RBM27: variants seen among roughly 807,000 people sequenced by gnomAD.
The protein encoded by RBM27 is RNA binding motif protein 27.
In RBM27, 22 loss-of-function variants were observed where a neutral mutation model predicts 135.3. The observed-to-expected ratio is 0.16, with a 90% CI of 0.12 to 0.23. The LOEUF (loss-of-function observed/expected upper bound fraction) is 0.23, where lower values mean the gene tolerates loss of function less well. Among genes scored for constraint, RBM27 ranks in the 10% least tolerant of loss-of-function variants. The pLI is 1.00. For synonymous variants in RBM27, 481 were observed against 442.4 expected (o/e 1.09, Z -1.10); for missense variants, 1,009 against 1,281.0 (o/e 0.79, Z 3.24).
At chr5:146,203,858 C>T in intron 1 of RBM27, 34 bp downstream of exon 1, 1 of 663,322 alleles carries the variant, frequency 1.5e-6, no homozygotes, top group Non-Finnish European at 2.1e-6. Flanking sequence ...GGCCGGCGAA[C>T]GTGGGCGTTG....
chr5:146,251,900 C>CCA (rs1161027907), intron 9 of RBM27, 25 bp downstream of exon 9: 3 of 1,607,946 alleles, frequency 1.9e-6, no homozygotes, highest in Non-Finnish European at 2.6e-6. Context: ...AGATGGCCAT[C>CCA]CACCTCACTG....
chr5:146,209,098 G>A (rs1250404741), intron 1 of RBM27, among the ~76,000 whole-genome samples: 1 of 152,014 alleles, frequency 6.6e-6, no homozygotes, highest in Admixed American at 6.6e-5. Context: ...AATTTTATTT[G>A]CCTTTTACCT....
chr5:146,203,625 C>T lies in RBM27; in HGVS notation c.-141C>T, dbSNP rs530508006. On this transcript the variant is annotated 5_prime_UTR_variant, in exon 1 of 21. Transcript: ENST00000265271. ...GGGTTAGTTCCTGTTAGGCCCCGGC[C>T]GGGGGAGTAGGTTGAAGTCTCCTAA... The T allele has an allele frequency of 9.6e-6, 7 of 730,620 alleles. No homozygotes were observed. Among genetic ancestry groups the T allele is most frequent in the Admixed American group, 5.2e-5 (2 of 38,354 alleles). 45.3% of individuals were successfully genotyped at this position (730,620 alleles called of 1,614,324 possible).
Position 146,289,130 on chromosome 5 carries a change from T to TG in RBM27, c.*3102dup, listed in dbSNP as rs1051365688. ...GATGCAATATGGAATGGTTCACAAT[T>TG]GGAAAAAAAAAAGAAAAAAGATGAA... On this transcript the variant is annotated 3_prime_UTR_variant, in exon 21 of 21. Transcript: ENST00000265271. 1.4e-4 allele frequency: 21 copies of TG among 151,270 alleles called. No individual in the cohort carries two copies. The highest frequency in any genetic ancestry group is 4.6e-4 in the African/African-American group (19 of 41,332). 9.4% of individuals were successfully genotyped at this position (151,270 alleles called of 1,614,324 possible).
At position 146,218,213 on chromosome 5, in the gene RBM27, G is replaced by T. The variant is rs999441303; in HGVS notation, c.60-772G>T. Reference sequence around the variant, plus strand: ...TTTCATGTGATGTACATAAAACCTCGAGTCTGACAGATTACTATACATCAG... The same window carrying T: ...TTTCATGTGATGTACATAAAACCTCTAGTCTGACAGATTACTATACATCAG... On this transcript the variant is annotated intron_variant, in intron 1 of 20. Coordinates refer to ENST00000265271, the MANE Select transcript of RBM27 (RefSeq NM_018989.2). 2.6e-5 allele frequency among the ~76,000 whole-genome samples: 4 copies of T among 152,100 alleles called. No individual in the cohort carries two copies. In the South Asian group the frequency reaches 8.3e-4, roughly 31 times the overall value.
Position 146,261,791 on chromosome 5 carries a change from C to G in RBM27, c.2175C>G (p.His725Gln). Residue 725 changes from histidine (H) to glutamine (Q), a missense_variant, in exon 13 of 21, where the codon CAC becomes CAG. Physicochemically the swap from His to Gln is conservative, Grantham distance 24 (BLOSUM62 0). Coordinates refer to ENST00000265271, the MANE Select transcript of RBM27 (RefSeq NM_018989.2). The part of the protein sequence containing the change: ...LVAQSAPSTV[H>Q]GGIQKMMSKP... Reference sequence around the variant, plus strand: ...CCCAGTCTGCTCCTTCAACAGTGCACGGAGGTATCCAGAAGGTAATCTGGT... The same window carrying G: ...CCCAGTCTGCTCCTTCAACAGTGCAGGGAGGTATCCAGAAGGTAATCTGGT... The G allele has an allele frequency of 6.2e-7, 1 of 1,614,118 alleles. No homozygotes were observed. The highest frequency in any genetic ancestry group is 8.5e-7 in the Non-Finnish European group (1 of 1,179,998).
At chr5:146,253,035 C>G (rs1757962028) in intron 9 of RBM27, among the ~76,000 whole-genome samples, 1 of 152,090 alleles carries the variant, frequency 6.6e-6, no homozygotes, top group African/African-American at 2.4e-5. Flanking sequence ...GCTGCCTAGG[C>G]TGGAGTGCTT....
At chr5:146,204,233 CAT>C (rs1755527002) in intron 1 of RBM27, among the ~76,000 whole-genome samples, 1 of 152,092 alleles carries the variant, frequency 6.6e-6, no homozygotes, top group Non-Finnish European at 1.5e-5. Flanking sequence ...GTTTGATAAA[CAT>C]TATTATTCCG....
chr5:146,255,879 G>A (rs562431893), intron 10 of RBM27, among the ~76,000 whole-genome samples: 46 of 145,194 alleles, frequency 3.2e-4, no homozygotes, highest in African/African-American at 1.1e-3. Context: ...TTTTTGAAAT[G>A]GAGTCTGGGT....
chr5:146,273,010 T>C (rs1758937326), intron 19 of RBM27, among the ~76,000 whole-genome samples: 1 of 152,154 alleles, frequency 6.6e-6, no homozygotes, highest in African/African-American at 2.4e-5. Context: ...ACTATACAAG[T>C]GCAGTGTATT....
intron 14 of RBM27, 109 bp from the exon 15 acceptor site, chr5:146,267,540 A>G (rs1376769896): frequency 3.7e-5 from 24 of 644,610 alleles, no homozygotes; most frequent in Non-Finnish European, 6.0e-5. Flanking sequence ...AAGAAAATTT[A>G]ACTCCTAAGA....
chr5:146,256,583 T>G (rs901157080), intron 10 of RBM27, among the ~76,000 whole-genome samples: 2 of 152,090 alleles, frequency 1.3e-5, no homozygotes, highest in South Asian at 4.1e-4. Flanking sequence ...ACTCCTGACC[T>G]CAGGTGATCC....
Position 146,261,823 on chromosome 5 carries a change from G to C in RBM27, c.2190+17G>C. 1 of 1,613,190 alleles carries C rather than the reference G, an allele frequency of 6.2e-7. No homozygotes were observed. Among genetic ancestry groups the C allele is most frequent in the Non-Finnish European group, 8.5e-7 (1 of 1,179,372 alleles). On this transcript the variant is annotated intron_variant, in intron 13 of 20. Coordinates refer to ENST00000265271, the MANE Select transcript of RBM27 (RefSeq NM_018989.2). ...ATCCAGAAGGTAATCTGGTTCACTG[G>C]GAATTAAAGGTCTTTTAGTTACACC...
intron 15 of RBM27, among the ~76,000 whole-genome samples, chr5:146,268,790 G>A (rs1253009205): frequency 1.3e-5 from 2 of 151,886 alleles, no homozygotes; most frequent in Non-Finnish European, 2.9e-5. Flanking sequence ...TTCTGTTGCC[G>A]AGGCTGGACT....
At position 146,203,664 on chromosome 5, in the gene RBM27, C is replaced by T; in HGVS notation, c.-102C>T. 1 of 1,106,114 alleles carries T rather than the reference C, an allele frequency of 9.0e-7. No homozygotes were observed. 68.5% of individuals were successfully genotyped at this position (1,106,114 alleles called of 1,614,324 possible). A position where few individuals can be genotyped will look rare whatever the true frequency, so the allele number is the denominator to read the frequency against. ...GAAGTCTCCTAAGATGCCCGGTGGG[C>T]TGGGGCACCGGGAGCTGTGAAGGGA... On this transcript the variant is annotated 5_prime_UTR_variant, in exon 1 of 21. Coordinates refer to ENST00000265271, the MANE Select transcript of RBM27 (RefSeq NM_018989.2).
chr5:146,281,101 C>T (rs1351535840), intron 19 of RBM27, among the ~76,000 whole-genome samples: 2 of 152,096 alleles, frequency 1.3e-5, no homozygotes, highest in Non-Finnish European at 2.9e-5. Context: ...CATCGGCCTC[C>T]TAAAGTGCTA....
At chr5:146,249,424 G>A (rs1019643834) in intron 8 of RBM27, among the ~76,000 whole-genome samples, 4 of 151,896 alleles carry the variant, frequency 2.6e-5, no homozygotes, top group South Asian at 2.1e-4. Context: ...GGTGGCTCAC[G>A]CCTGTAATTC....
chr5:146,251,487 T>C (rs1216485328), intron 8 of RBM27, among the ~76,000 whole-genome samples: 1 of 152,234 alleles, frequency 6.6e-6, no homozygotes, highest in African/African-American at 2.4e-5. Context: ...AGATTATATA[T>C]ACTACTTAAT....
chr5:146,259,217 G>A (rs936353120), intron 11 of RBM27, among the ~76,000 whole-genome samples: 20 of 151,762 alleles, frequency 1.3e-4, no homozygotes, highest in Non-Finnish European at 2.4e-4. Context: ...AAAATATGCC[G>A]TTAAAGATGA....
Sources: gnomAD v4.1 joint callset for allele counts (sites outside exome capture counted in the v4.1 genomes callset) on GRCh38, gnomAD v4.1.1 for gene constraint, MANE v1.5 for transcripts, NCBI Gene and HGNC (gene_info 2026-07-23, HGNC 2026-07-21) for gene names.